DNAJC16: variants seen among roughly 807,000 people sequenced by gnomAD.
DNAJC16 encodes dnaJ homolog subfamily C member 16.
A neutral mutation model predicts 92.7 loss-of-function variants in DNAJC16; 76 were observed. That is an observed-to-expected ratio of 0.82 (90% confidence interval 0.68 to 0.99). DNAJC16 has a LOEUF of 0.99. DNAJC16 is among the 50% of genes least tolerant of loss of function. The pLI is 0.00. For missense variants in DNAJC16, 869 were observed against 942.4 expected (o/e 0.92, Z 1.02); for synonymous variants, 328 against 358.7 (o/e 0.91, Z 0.97).
At chr1:15,533,348 C>T (rs187119125) in intron 2 of DNAJC16, among the ~76,000 whole-genome samples, 55 of 152,262 alleles carry the variant, frequency 3.6e-4, no homozygotes, top group African/African-American at 1.2e-3. Flanking sequence ...GCATTGAGGC[C>T]GGGCGTGGTG....
In DNAJC16 at chr1:15,544,496, G is replaced by GA; in HGVS notation, c.676dup (p.Ile226AsnfsTer11). Reference sequence around the variant, plus strand: ...CCTCTATCCTAGGAATCATTAACGGGAAAATCTCCTTCTTCCACAATGCAG... The same window carrying GA: ...CCTCTATCCTAGGAATCATTAACGGGAAAAATCTCCTTCTTCCACAATGCAG... On this transcript the variant is annotated frameshift_variant, in exon 5 of 15. Transcript: ENST00000375847. LOFTEE classifies it high-confidence loss of function. The GA allele has an allele frequency of 6.2e-7, 1 of 1,614,152 alleles. No homozygotes were observed. Among genetic ancestry groups the GA allele is most frequent in the Non-Finnish European group, 8.5e-7 (1 of 1,180,032 alleles).
chr1:15,566,648 C>A, intron 13 of DNAJC16: 1 of 175,846 alleles, frequency 5.7e-6, no homozygotes, highest in Admixed American at 5.5e-5. Flanking sequence ...TTTTAGGAGG[C>A]CTAGGTGGGA....
intron 7 of DNAJC16, among the ~76,000 whole-genome samples, chr1:15,550,795 C>T (rs1376687334): frequency 6.6e-6 from 1 of 152,228 alleles, no homozygotes; most frequent in African/African-American, 2.4e-5. Flanking sequence ...GGCACCAGGC[C>T]ACCTACCATC....
chr1:15,534,333 T>C, intron 3 of DNAJC16, 30 bp downstream of exon 3: 1 of 1,609,570 alleles, frequency 6.2e-7, no homozygotes, highest in Non-Finnish European at 8.5e-7. Flanking sequence ...GATGCATCCA[T>C]TAGCTCTTAC....
intron 7 of DNAJC16, 146 bp downstream of exon 7, chr1:15,548,574 C>T (rs950930113): frequency 5.8e-5 from 47 of 812,636 alleles, no homozygotes; most frequent in Non-Finnish European, 6.1e-5. Context: ...TTTTATCTAA[C>T]TTGGTACCGT....
chr1:15,533,219 C>T (rs1251351778), intron 2 of DNAJC16, among the ~76,000 whole-genome samples: 1 of 152,148 alleles, frequency 6.6e-6, no homozygotes, highest in African/African-American at 2.4e-5. Context: ...CAAAGCTGGC[C>T]GGGTGTGGTA....
chr1:15,528,952 C>T lies in DNAJC16; in HGVS notation c.-18-136C>T, dbSNP rs939049426. On this transcript the variant is annotated intron_variant, in intron 1 of 14. Coordinates refer to ENST00000375847, the MANE Select transcript of DNAJC16 (RefSeq NM_015291.4). ...GAGATTTTTATTTTAAGATACAGTT[C>T]AACAGCTTGACACTTTTCCTGCAAA... 39 of 648,230 alleles carry T rather than the reference C, an allele frequency of 6.0e-5. No homozygotes were observed. The East Asian group carries it at 1.1e-3, about 18-fold the overall frequency. The allele number at this position is 648,230 out of a possible 1,614,324, so 40.2% of individuals were successfully genotyped here. A position where few individuals can be genotyped will look rare whatever the true frequency, so the allele number is the denominator to read the frequency against.
At position 15,570,159 on chromosome 1, in the gene DNAJC16, G is replaced by A. The variant is rs1252573870; in HGVS notation, c.*1982G>A. 2 of 152,512 alleles carry A rather than the reference G, an allele frequency of 1.3e-5. No individual in the cohort carries two copies. The highest frequency in any genetic ancestry group is 3.9e-4 in the East Asian group (2 of 5,188). The allele number at this position is 152,512 out of a possible 1,614,324, so 9.4% of individuals were successfully genotyped here. On this transcript the variant is annotated 3_prime_UTR_variant, in exon 15 of 15. Transcript: ENST00000375847. ...CTAAAAATGGACACTTCCTCTGAAT[G>A]CTGTATCTCATGGCACCTGGTCCAA...
intron 7 of DNAJC16, among the ~76,000 whole-genome samples, chr1:15,550,127 A>C (rs34025142): frequency 6.6e-6 from 1 of 152,214 alleles, no homozygotes; most frequent in Non-Finnish European, 1.5e-5. Context: ...CCACCGGCAC[A>C]CAAGACAAGG....
intron 7 of DNAJC16, among the ~76,000 whole-genome samples, chr1:15,555,681 CAAAA>C (rs937939468): frequency 1.9e-5 from 1 of 51,588 alleles, no homozygotes; most frequent in Non-Finnish European, 3.9e-5. Context: ...GACTCCGTCT[CAAAA>C]AAAAAAAAAA....
At chr1:15,550,444 A>T (rs1638419412) in intron 7 of DNAJC16, among the ~76,000 whole-genome samples, 2 of 152,210 alleles carry the variant, frequency 1.3e-5, no homozygotes, top group African/African-American at 4.8e-5. Flanking sequence ...GATCACTAGT[A>T]GCACCAGTGG....
At chr1:15,540,294 C>A (rs1420962004) in intron 4 of DNAJC16, among the ~76,000 whole-genome samples, 1 of 152,026 alleles carries the variant, frequency 6.6e-6, no homozygotes, top group Non-Finnish European at 1.5e-5. Flanking sequence ...CCACTGCAGT[C>A]TGGCCTGGGC....
chr1:15,531,216 GCATGGTA>G (rs533097238), intron 2 of DNAJC16, among the ~76,000 whole-genome samples: 277 of 152,362 alleles, frequency 1.8e-3, no homozygotes, highest in African/African-American at 6.4e-3. Flanking sequence ...TTGAGGTGAT[GCATGGTA>G]CAGACTGCAT....
chr1:15,543,963 G>T (rs1208071158), intron 4 of DNAJC16, among the ~76,000 whole-genome samples: 2 of 152,134 alleles, frequency 1.3e-5, no homozygotes, highest in Non-Finnish European at 2.9e-5. Flanking sequence ...GAAATGTTAA[G>T]CTTGAGAAGT....
At position 15,548,354 on chromosome 1, in the gene DNAJC16, T is replaced by C; in HGVS notation, c.949T>C (p.Tyr317His). Residue 317 changes from tyrosine to histidine, a missense_variant, in exon 7 of 15, where the codon TAC (tyrosine) becomes CAC (histidine). Physicochemically the swap from Tyr to His is moderately conservative, Grantham distance 83 (BLOSUM62 2). Transcript: ENST00000375847. ...AGGGACGGAAGAGATGACAAGGCGG[T>C]ACAACATCAATATCTACGCCCCTAC... is the stretch of plus-strand genomic sequence containing the variant. ...LRGTEEMTRRYNINIYAPTLL... is the reference protein window; with the variant it reads ...LRGTEEMTRRHNINIYAPTLL... 6.2e-7 allele frequency: 1 copy of C among 1,612,954 alleles called. No homozygotes were observed. Among genetic ancestry groups the C allele is most frequent in the South Asian group, 1.1e-5 (1 of 91,060 alleles).
chr1:15,562,443 C>A, intron 9 of DNAJC16, 118 bp downstream of exon 9: 1 of 1,121,070 alleles, frequency 8.9e-7, no homozygotes, highest in Non-Finnish European at 1.2e-6. Flanking sequence ...AACTCTGAAG[C>A]CTATTTTCAA....
chr1:15,550,563 G>A (rs1638421768), intron 7 of DNAJC16, among the ~76,000 whole-genome samples: 1 of 152,188 alleles, frequency 6.6e-6, no homozygotes, highest in Non-Finnish European at 1.5e-5. Context: ...TTGAGGAATA[G>A]TGTTGCAATG....
chr1:15,564,475 G>T, intron 11 of DNAJC16, 116 bp downstream of exon 11: 1 of 714,652 alleles, frequency 1.4e-6, no homozygotes. Context: ...GGGGCAAGTG[G>T]AAGAACGTTT....
intron 6 of DNAJC16, among the ~76,000 whole-genome samples, chr1:15,547,072 C>T (rs565538785): frequency 6.6e-6 from 1 of 151,904 alleles, no homozygotes; most frequent in South Asian, 2.1e-4. Context: ...ATGCCAGTTA[C>T]TGTGTTAGTG....
Sources: gnomAD v4.1 joint callset for allele counts (sites outside exome capture counted in the v4.1 genomes callset) on GRCh38, gnomAD v4.1.1 for gene constraint, MANE v1.5 for transcripts, NCBI Gene and HGNC (gene_info 2026-07-23, HGNC 2026-07-21) for gene names.